Variants in TMEM232 observed in about 807,000 individuals in gnomAD.
TMEM232 encodes transmembrane protein 232.
TMEM232 carries 80 observed loss-of-function variants against 78.8 expected under a neutral mutation model. That is an observed-to-expected ratio of 1.01 (90% CI 0.85 to 1.22). The LOEUF (loss-of-function observed/expected upper bound fraction) is 1.22. Among genes scored for constraint, TMEM232 ranks in the 50% most tolerant of loss-of-function variants. The pLI is 0.00. For missense variants in TMEM232, 881 were observed against 742.2 expected (o/e 1.19, Z -2.17); for synonymous variants, 297 against 254.3 (o/e 1.17, Z -1.60).
intron 12 of TMEM232, among the ~76,000 whole-genome samples, chr5:110,469,983 G>A (rs1035793349): frequency 8.6e-5 from 13 of 151,842 alleles, no homozygotes; most frequent in South Asian, 2.1e-4. Context: ...CTGCCCCCCC[G>A]GAACCCCAGC....
chr5:110,458,192 C>T (rs2149349115), intron 12 of TMEM232, among the ~76,000 whole-genome samples: 1 of 151,546 alleles, frequency 6.6e-6, no homozygotes, highest in Admixed American at 6.6e-5. Context: ...ATTTTTGTTT[C>T]TTCCCTCTCT....
chr5:110,487,762 T>G (rs2149409980), intron 12 of TMEM232, among the ~76,000 whole-genome samples: 1 of 152,238 alleles, frequency 6.6e-6, no homozygotes. Flanking sequence ...TCTGTAGTTT[T>G]CTTTTTTGGT....
At chr5:110,487,148 G>A (rs1456041814) in intron 12 of TMEM232, among the ~76,000 whole-genome samples, 2 of 152,004 alleles carry the variant, frequency 1.3e-5, no homozygotes, top group African/African-American at 4.8e-5. Flanking sequence ...ACTGATTTGT[G>A]TACATTAATC....
chr5:110,500,304 AAAAGAAAG>A (rs1477502178), intron 12 of TMEM232, among the ~76,000 whole-genome samples: 1 of 148,536 alleles, frequency 6.7e-6, no homozygotes, highest in Non-Finnish European at 1.5e-5. Flanking sequence ...AAAAAAAAAA[AAAAGAAAG>A]AAAGAAAAAC....
In TMEM232 at chr5:110,479,202, A is replaced by C. The variant is rs1292173874; in HGVS notation, c.1703+49386T>G. Among the ~76,000 whole-genome samples, 8 of 151,894 alleles carry C rather than the reference A, an allele frequency of 5.3e-5. No individual in the cohort carries two copies. In the South Asian group the frequency reaches 1.4e-3, roughly 28 times the overall value. ...TAATTGATTTGTTTTCTTTTTGCCT[A>C]CTTGCCCCTGCCAAAATACATGTAG... On this transcript the variant is annotated intron_variant, in intron 12 of 13. Coordinates refer to ENST00000455884, the MANE Select transcript of TMEM232 (RefSeq NM_001039763.4).
At chr5:110,430,257 T>C (rs1425753036) in intron 12 of TMEM232, among the ~76,000 whole-genome samples, 2 of 151,728 alleles carry the variant, frequency 1.3e-5, no homozygotes, top group African/African-American at 4.8e-5. Context: ...TTGCTCAAAG[T>C]TTTCTCTCGT....
In TMEM232 at chr5:110,456,258, C is replaced by G. The variant is rs1477268769; in HGVS notation, c.1704-31342G>C. On this transcript the variant is annotated intron_variant, in intron 12 of 13. Coordinates refer to ENST00000455884, the MANE Select transcript of TMEM232 (RefSeq NM_001039763.4). ...CAGTATACAAAAACCAATTGTAATT[C>G]TATACACTAGCATTTAATAATTAGA... Among the ~76,000 whole-genome samples the G allele has an allele frequency of 1.3e-5, 2 of 151,954 alleles. 1 individual carries two copies. The highest frequency in any genetic ancestry group is 4.2e-4 in the South Asian group (2 of 4,808).
intron 1 of TMEM232, among the ~76,000 whole-genome samples, chr5:110,682,797 T>C (rs1364110867): frequency 6.6e-6 from 1 of 152,158 alleles, no homozygotes; most frequent in African/African-American, 2.4e-5. Flanking sequence ...GTACTGATCT[T>C]ACCTGATCCC....
intron 11 of TMEM232, among the ~76,000 whole-genome samples, chr5:110,548,238 A>G (rs780103687): frequency 9.9e-5 from 15 of 151,098 alleles, no homozygotes; most frequent in Non-Finnish European, 1.6e-4. Flanking sequence ...ACTGGTGCCT[A>G]TAAACACACA....
At chr5:110,397,388 A>T (rs566920406) in intron 3 of TMEM232, among the ~76,000 whole-genome samples, 7 of 152,312 alleles carry the variant, frequency 4.6e-5, no homozygotes, top group African/African-American at 1.7e-4. Flanking sequence ...TGTATAAGAA[A>T]TATCATCTCC....
At chr5:110,672,827 ATTG>A (rs1791535016) in intron 1 of TMEM232, among the ~76,000 whole-genome samples, 1 of 151,836 alleles carries the variant, frequency 6.6e-6, no homozygotes, top group African/African-American at 2.4e-5. Context: ...TATTATTTTT[ATTG>A]TTATTATTAT....
chr5:110,395,584 A>G (rs183137305), intron 3 of TMEM232, among the ~76,000 whole-genome samples: 3 of 152,160 alleles, frequency 2.0e-5, no homozygotes, highest in Non-Finnish European at 2.9e-5. Flanking sequence ...AAAACTTACA[A>G]ATTTTCAGAT....
At chr5:110,434,643 A>G (rs1360850992) in intron 12 of TMEM232, among the ~76,000 whole-genome samples, 3 of 151,596 alleles carry the variant, frequency 2.0e-5, no homozygotes, top group Admixed American at 6.6e-5. Flanking sequence ...AAAATCTGGC[A>G]AAGAGAGAAA....
chr5:110,602,377 A>T (rs1180593390), intron 10 of TMEM232, among the ~76,000 whole-genome samples: 1 of 152,202 alleles, frequency 6.6e-6, no homozygotes, highest in Non-Finnish European at 1.5e-5. Context: ...GAATGGAAGA[A>T]AATTTTTTCA....
intron 2 of TMEM232, among the ~76,000 whole-genome samples, chr5:110,645,398 A>G (rs990931062): frequency 6.6e-6 from 1 of 151,274 alleles, no homozygotes; most frequent in African/African-American, 2.4e-5. Context: ...AGATTTATCC[A>G]TGGAGTACAA....
chr5:110,689,671 T>G (rs1032300568), intron 1 of TMEM232, among the ~76,000 whole-genome samples: 1 of 152,164 alleles, frequency 6.6e-6, no homozygotes, highest in Non-Finnish European at 1.5e-5. Flanking sequence ...AGGGCCCATA[T>G]AGCCAAGACA....
chr5:110,426,542 A>T (rs562535427), intron 12 of TMEM232, among the ~76,000 whole-genome samples: 2 of 152,076 alleles, frequency 1.3e-5, no homozygotes, highest in Non-Finnish European at 2.9e-5. Context: ...AATGGAGGGC[A>T]ATCTCAGGAG....
intron 12 of TMEM232, among the ~76,000 whole-genome samples, chr5:110,451,395 A>G (rs1356742748): frequency 6.6e-6 from 1 of 152,178 alleles, no homozygotes; most frequent in Non-Finnish European, 1.5e-5. Context: ...ATTCTAGGAA[A>G]TATTTCAACA....
intron 11 of TMEM232, among the ~76,000 whole-genome samples, chr5:110,563,363 T>C (rs1227826626): frequency 6.6e-6 from 1 of 151,924 alleles, no homozygotes; most frequent in Non-Finnish European, 1.5e-5. Context: ...ATCAAATGAT[T>C]GGCTCTGAAA....
Sources: gnomAD v4.1 joint callset for allele counts (sites outside exome capture counted in the v4.1 genomes callset) on GRCh38, gnomAD v4.1.1 for gene constraint, MANE v1.5 for transcripts, NCBI Gene and HGNC (gene_info 2026-07-23, HGNC 2026-07-21) for gene names.